The following KLHL8 variants were observed in gnomAD, a reference collection of about 807,000 sequenced individuals.
The protein encoded by KLHL8 is kelch-like protein 8.
A neutral mutation model predicts 63.5 loss-of-function variants in KLHL8; 38 were observed. The ratio of observed to expected loss-of-function variants is 0.60; its 90% CI spans 0.46 to 0.78. KLHL8 has a LOEUF of 0.78. Among genes scored for constraint, KLHL8 ranks in the 30% least tolerant of loss-of-function variants. KLHL8 has a pLI of 0.00. For synonymous variants in KLHL8, 224 were observed against 254.3 expected, an observed-to-expected ratio of 0.88 and a Z score of 1.13; for missense variants, 566 against 752.4, an observed-to-expected ratio of 0.75 and a Z score of 2.90.
intron 1 of KLHL8, among the ~76,000 whole-genome samples, chr4:87,198,257 T>C (rs1372581498): frequency 6.6e-6 from 1 of 151,964 alleles, no homozygotes; most frequent in Non-Finnish European, 1.5e-5. Context: ...GAGGCGGAGG[T>C]TGCAGTGAGC....
intron 8 of KLHL8, among the ~76,000 whole-genome samples, chr4:87,165,492 C>G (rs926025620): frequency 4.6e-5 from 7 of 152,002 alleles, no homozygotes; most frequent in African/African-American, 1.7e-4. Flanking sequence ...CTCCTGGGCT[C>G]AAGCGATCCT....
chr4:87,197,335 GAC>G (rs1374017272), intron 1 of KLHL8, among the ~76,000 whole-genome samples: 1 of 152,150 alleles, frequency 6.6e-6, no homozygotes, highest in Admixed American at 6.5e-5. Context: ...CCACCATGGA[GAC>G]AGTCATGTAG....
chr4:87,162,658 T>G lies in KLHL8; in HGVS notation c.*861A>C, dbSNP rs1424935071. 1 of 152,148 alleles carries G rather than the reference T, an allele frequency of 6.6e-6. No individual in the cohort carries two copies. Among genetic ancestry groups the G allele is most frequent in the African/African-American group, 2.4e-5 (1 of 41,426 alleles). The allele number at this position is 152,148 out of a possible 1,614,324, so 9.4% of individuals were successfully genotyped here. A position where few individuals can be genotyped will look rare whatever the true frequency, so the allele number is the denominator to read the frequency against. On this transcript the variant is annotated 3_prime_UTR_variant, in exon 10 of 10. Coordinates refer to ENST00000273963, the MANE Select transcript of KLHL8 (RefSeq NM_020803.5). ...AAAATCAAATGATCAAAGAAGACAG[T>G]TAAAGATATTTTCAGACTGCCCACA...
At chr4:87,176,963 CATA>C in intron 5 of KLHL8, 95 bp from the exon 6 acceptor site, 1 of 614,754 alleles carries the variant, frequency 1.6e-6, no homozygotes, top group Non-Finnish European at 2.7e-6. Context: ...AAAATATCAC[CATA>C]AGTTAATTTT....
At chr4:87,226,995 A>G (rs1023809524) in intron 1 of KLHL8, among the ~76,000 whole-genome samples, 1 of 93,216 alleles carries the variant, frequency 1.1e-5, no homozygotes, top group Non-Finnish European at 2.1e-5. Flanking sequence ...TAATATATAA[A>G]TAATATATAT....
chr4:87,164,919 G>T (rs191539735), intron 8 of KLHL8, among the ~76,000 whole-genome samples: 72 of 151,926 alleles, frequency 4.7e-4, no homozygotes, highest in African/African-American at 1.4e-3. Context: ...GAGGCCAAGG[G>T]GGGCCGATCA....
intron 1 of KLHL8, among the ~76,000 whole-genome samples, chr4:87,226,725 ATAATATATATTAT>A (rs1732998171): frequency 7.2e-5 from 2 of 27,694 alleles, no homozygotes; most frequent in South Asian, 9.7e-4. Context: ...TTATTTATAT[ATAATATATATTAT>A]TTATATATAA....
chr4:87,189,781 T>C (rs1731407321), intron 2 of KLHL8, among the ~76,000 whole-genome samples: 1 of 151,934 alleles, frequency 6.6e-6, no homozygotes, highest in African/African-American at 2.4e-5. Context: ...CCCAGCACTT[T>C]GGGCGGGATC....
At chr4:87,235,092 T>TA (rs968033366) in intron 1 of KLHL8, among the ~76,000 whole-genome samples, 31 of 152,274 alleles carry the variant, frequency 2.0e-4, no homozygotes, top group African/African-American at 7.5e-4. Context: ...AATATTTGAA[T>TA]AAATAAATAT....
At chr4:87,191,803 A>T (rs1731503369) in intron 2 of KLHL8, among the ~76,000 whole-genome samples, 1 of 142,844 alleles carries the variant, frequency 7.0e-6, no homozygotes, top group African/African-American at 2.6e-5. Context: ...TATTTTTCCC[A>T]TTTTCATGAC....
intron 1 of KLHL8, among the ~76,000 whole-genome samples, chr4:87,234,519 C>T (rs1195234384): frequency 3.3e-5 from 5 of 151,720 alleles, no homozygotes; most frequent in South Asian, 2.1e-4. Flanking sequence ...TCCTGCACAA[C>T]GCATTACTCA....
At chr4:87,233,898 T>A (rs1733180566) in intron 1 of KLHL8, among the ~76,000 whole-genome samples, 1 of 152,234 alleles carries the variant, frequency 6.6e-6, no homozygotes, top group African/African-American at 2.4e-5. Flanking sequence ...AGGCTAAATG[T>A]ATCTTTTAGA....
chr4:87,218,604 G>T (rs1221807363), intron 1 of KLHL8, among the ~76,000 whole-genome samples: 1 of 152,168 alleles, frequency 6.6e-6, no homozygotes, highest in African/African-American at 2.4e-5. Context: ...CAAAAAATGT[G>T]CAATTATTAC....
At chr4:87,217,580 A>G (rs1732648104) in intron 1 of KLHL8, among the ~76,000 whole-genome samples, 1 of 151,488 alleles carries the variant, frequency 6.6e-6, no homozygotes, top group Non-Finnish European at 1.5e-5. Context: ...TCCTGGGATC[A>G]AGCAATTGGC....
chr4:87,235,501 CTTG>C (rs1284887139), intron 1 of KLHL8, among the ~76,000 whole-genome samples: 2 of 152,092 alleles, frequency 1.3e-5, no homozygotes, highest in Admixed American at 6.6e-5. Flanking sequence ...TTCTCAGAAT[CTTG>C]TTAAGTAACA....
chr4:87,176,204 C>A (rs1335718009), intron 6 of KLHL8, among the ~76,000 whole-genome samples: 1 of 152,216 alleles, frequency 6.6e-6, no homozygotes, highest in African/African-American at 2.4e-5. Flanking sequence ...CATCTCAGCA[C>A]TGGCATTTGG....
intron 4 of KLHL8, among the ~76,000 whole-genome samples, chr4:87,182,220 C>G: frequency 8.0e-6 from 1 of 125,418 alleles, no homozygotes; most frequent in Non-Finnish European, 1.6e-5. Context: ...GCGACAGAGA[C>G]TCCGTCTCAA....
intron 1 of KLHL8, among the ~76,000 whole-genome samples, chr4:87,214,636 C>T (rs1315366387): frequency 2.0e-5 from 3 of 151,570 alleles, no homozygotes; most frequent in Non-Finnish European, 4.4e-5. Flanking sequence ...AGAGACTTGC[C>T]TGACTACAAA....
intron 1 of KLHL8, among the ~76,000 whole-genome samples, chr4:87,205,674 G>A (rs1732098072): frequency 6.6e-6 from 1 of 152,084 alleles, no homozygotes; most frequent in Non-Finnish European, 1.5e-5. Flanking sequence ...ATGTTGCCCA[G>A]GCTGGTCTTG....
Sources: allele counts gnomAD v4.1 joint callset (sites outside exome capture counted in the v4.1 genomes callset), GRCh38; gene constraint gnomAD v4.1.1; transcripts MANE v1.5; gene names NCBI Gene and HGNC (gene_info 2026-07-23, HGNC 2026-07-21).